The following QTMAN variants were observed in gnomAD, a reference collection of about 807,000 sequenced individuals.
The protein encoded by QTMAN is tRNA-queuosine alpha-mannosyltransferase.
chr2:144,258,419 T>TA, the QTMAN span, among the ~76,000 whole-genome samples: 1 of 152,096 alleles, frequency 6.6e-6, no homozygotes, highest in Non-Finnish European at 1.5e-5. Context: ...AGATAAAACA[T>TA]AAACATGAAT....
At chr2:144,168,923 A>G in the QTMAN span, among the ~76,000 whole-genome samples, 2 of 151,698 alleles carry the variant, frequency 1.3e-5, no homozygotes, top group Non-Finnish European at 2.9e-5. Context: ...TGTATCTAAC[A>G]TTATTTTATT....
At chr2:144,178,172 T>C in the QTMAN span, 1 of 152,176 alleles carries the variant, frequency 6.6e-6, no homozygotes, top group Non-Finnish European at 1.5e-5. Flanking sequence ...CCATTTCCTA[T>C]ATTAGAAGCC....
At chr2:144,069,313 A>C in the QTMAN span, among the ~76,000 whole-genome samples, 9 of 151,068 alleles carry the variant, frequency 6.0e-5, no homozygotes, top group Non-Finnish European at 1.3e-4. Context: ...AAAAAAAAAA[A>C]CACCTACAAC....
chr2:144,117,442 A>G, the QTMAN span, among the ~76,000 whole-genome samples: 1 of 152,198 alleles, frequency 6.6e-6, no homozygotes, highest in Non-Finnish European at 1.5e-5. Flanking sequence ...CTCAGCCCAT[A>G]TAACTCCTCT....
At chr2:144,231,951 T>C in the QTMAN span, among the ~76,000 whole-genome samples, 1 of 149,346 alleles carries the variant, frequency 6.7e-6, no homozygotes, top group African/African-American at 2.5e-5. Flanking sequence ...TTCAAGACAG[T>C]CATGAACTTA....
the QTMAN span, among the ~76,000 whole-genome samples, chr2:144,288,779 T>C: frequency 8.5e-5 from 13 of 152,254 alleles, 1 homozygote; most frequent in Admixed American, 2.0e-4. Context: ...TATGAAGAAT[T>C]TGAGTTAGCG....
At chr2:144,181,445 T>G in the QTMAN span, among the ~76,000 whole-genome samples, 1 of 152,220 alleles carries the variant, frequency 6.6e-6, no homozygotes, top group African/African-American at 2.4e-5. Flanking sequence ...ATTATTCAAA[T>G]GTATTTACAT....
the QTMAN span, chr2:144,235,701 C>T: frequency 2.6e-5 from 4 of 152,470 alleles, no homozygotes; most frequent in African/African-American, 9.7e-5. Context: ...TACTGATGTC[C>T]CTTTACATAT....
chr2:144,183,492 TACAGGACAAGGGG>T, the QTMAN span, among the ~76,000 whole-genome samples: 2 of 152,192 alleles, frequency 1.3e-5, no homozygotes, highest in African/African-American at 4.8e-5. Context: ...AGCTTTCTTT[TACAGGACAAGGGG>T]ACATGTAATC....
the QTMAN span, among the ~76,000 whole-genome samples, chr2:144,306,996 A>G: frequency 6.6e-6 from 1 of 151,650 alleles, no homozygotes; most frequent in Non-Finnish European, 1.5e-5. Flanking sequence ...CCCCGTCTCT[A>G]CTAAAAACAC....
chr2:144,278,730 C>T, the QTMAN span, among the ~76,000 whole-genome samples: 1 of 151,932 alleles, frequency 6.6e-6, no homozygotes, highest in East Asian at 1.9e-4. Context: ...ATTAAATTAT[C>T]CACCGTGATG....
At chr2:144,259,877 T>C in the QTMAN span, among the ~76,000 whole-genome samples, 1 of 152,022 alleles carries the variant, frequency 6.6e-6, no homozygotes, top group Non-Finnish European at 1.5e-5. Flanking sequence ...TATAAAAGAG[T>C]AGTTAGTAAG....
chr2:144,205,805 C>A, the QTMAN span, among the ~76,000 whole-genome samples: 1 of 152,166 alleles, frequency 6.6e-6, no homozygotes, highest in Non-Finnish European at 1.5e-5. Flanking sequence ...CATCCTGGAA[C>A]GAATGATTAA....
the QTMAN span, among the ~76,000 whole-genome samples, chr2:144,273,394 G>C: frequency 1.3e-5 from 2 of 152,090 alleles, no homozygotes; most frequent in African/African-American, 4.8e-5. Flanking sequence ...TGTACAAAAG[G>C]GGTATGACAA....
At chr2:144,115,991 T>A in the QTMAN span, among the ~76,000 whole-genome samples, 3 of 152,074 alleles carry the variant, frequency 2.0e-5, no homozygotes, top group African/African-American at 7.2e-5. Context: ...TTTCTTCTAG[T>A]TGCTACTACC....
At chr2:144,226,007 T>A in the QTMAN span, among the ~76,000 whole-genome samples, 1 of 152,214 alleles carries the variant, frequency 6.6e-6, no homozygotes, top group South Asian at 2.1e-4. Context: ...TAGGCTATAA[T>A]TAGATCACTA....
the QTMAN span, chr2:144,332,473 G>A: frequency 6.8e-6 from 1 of 147,556 alleles, no homozygotes; most frequent in South Asian, 2.1e-4. Context: ...TCTCCCTCCT[G>A]GCCACCGGCG....
At chr2:144,012,833 A>C in the QTMAN span, among the ~76,000 whole-genome samples, 11 of 152,212 alleles carry the variant, frequency 7.2e-5, no homozygotes, top group South Asian at 2.3e-3. Context: ...TAACTGATAC[A>C]AGATTATTCC....
At chr2:144,232,634 TCTGA>T in the QTMAN span, among the ~76,000 whole-genome samples, 2 of 152,196 alleles carry the variant, frequency 1.3e-5, no homozygotes, top group African/African-American at 2.4e-5. Context: ...AAAAACATAT[TCTGA>T]CTATTAACTG....
Sources: gnomAD v4.1 joint callset for allele counts (sites outside exome capture counted in the v4.1 genomes callset) on GRCh38, gnomAD v4.1.1 for gene constraint, MANE v1.5 for transcripts, NCBI Gene and HGNC (gene_info 2026-07-23, HGNC 2026-07-21) for gene names.